The following DOK6 variants were observed in gnomAD, a reference collection of about 807,000 sequenced individuals.
DOK6 encodes the protein downstream of tyrosine kinase 6.
In DOK6, 22 loss-of-function variants were observed where a neutral mutation model predicts 44.0. The observed-to-expected ratio is 0.50, with a 90% CI of 0.36 to 0.71. The LOEUF is 0.71. Ranked by LOEUF, DOK6 falls within the 30% of genes least tolerant of loss-of-function variation. The pLI, the probability that DOK6 is intolerant of heterozygous loss-of-function variation, is 0.00. For missense variants in DOK6, 340 were observed against 416.4 expected (o/e 0.82, Z 1.60); for synonymous variants, 166 against 145.5 (o/e 1.14, Z -1.01).
At position 69,547,094 on chromosome 18, in the gene DOK6, G is replaced by A. The variant is rs554052233; in HGVS notation, c.67-17393G>A. Among the ~76,000 whole-genome samples the A allele has an allele frequency of 1.3e-3, 191 of 151,268 alleles. 5 individuals carry two copies. The highest frequency in any genetic ancestry group is 2.0e-3 in the Non-Finnish European group (138 of 67,558). ...TGGGTCAGGGAACGTACCCTTTTTT[G>A]TTGTTTGTTTGTTTGTTAGTTTTTT... On this transcript the variant is annotated intron_variant, in intron 1 of 7. Transcript: ENST00000382713.
chr18:69,691,253 G>C (rs891644297), intron 4 of DOK6, among the ~76,000 whole-genome samples: 6 of 151,890 alleles, frequency 4.0e-5, no homozygotes, highest in African/African-American at 1.5e-4. Flanking sequence ...GGACTTTCTT[G>C]TTGTCTCTGT....
At chr18:69,839,265 C>T (rs1299560739) in intron 7 of DOK6, among the ~76,000 whole-genome samples, 4 of 149,180 alleles carry the variant, frequency 2.7e-5, no homozygotes, top group African/African-American at 9.9e-5. Context: ...CTCTCCCTAA[C>T]CCCTCCCCTA....
At chr18:69,628,425 A>T (rs2144643735) in intron 3 of DOK6, among the ~76,000 whole-genome samples, 1 of 152,234 alleles carries the variant, frequency 6.6e-6, no homozygotes, top group South Asian at 2.1e-4. Flanking sequence ...GGGAGGCAGA[A>T]CTTGCAGTGA....
intron 6 of DOK6, among the ~76,000 whole-genome samples, chr18:69,746,884 G>T (rs2144744701): frequency 6.6e-6 from 1 of 152,272 alleles, no homozygotes; most frequent in East Asian, 1.9e-4. Context: ...CTGGTTTTGT[G>T]AAATTTACCC....
chr18:69,420,305 A>C lies in DOK6; in HGVS notation c.66+18995A>C, dbSNP rs557041872. ...TGTATATATTTGTCTTTAAAATTTA[A>C]TGCAAAATTTCAAATAGTATATACA... On this transcript the variant is annotated intron_variant, in intron 1 of 7. Coordinates refer to ENST00000382713, the MANE Select transcript of DOK6 (RefSeq NM_152721.6). 5.0e-4 allele frequency among the ~76,000 whole-genome samples: 76 copies of C among 152,124 alleles called. 3 individuals are homozygous for C. In the South Asian group the frequency reaches 0.016, roughly 31 times the overall value.
chr18:69,508,085 T>C (rs1981247267), intron 1 of DOK6, among the ~76,000 whole-genome samples: 1 of 152,202 alleles, frequency 6.6e-6, no homozygotes, highest in South Asian at 2.1e-4. Context: ...GAATGGATGT[T>C]GATTATTTTC....
intron 1 of DOK6, among the ~76,000 whole-genome samples, chr18:69,439,455 A>G (rs1979076945): frequency 6.6e-6 from 1 of 152,234 alleles, no homozygotes; most frequent in South Asian, 2.1e-4. Flanking sequence ...CCTGAATGGC[A>G]TCTTCTTCCA....
intron 1 of DOK6, among the ~76,000 whole-genome samples, chr18:69,421,363 T>C (rs561969120): frequency 2.0e-5 from 3 of 152,278 alleles, no homozygotes; most frequent in Non-Finnish European, 4.4e-5. Flanking sequence ...GTTCTGAATA[T>C]CACCAGAGTG....
chr18:69,503,603 A>G (rs1981104648), intron 1 of DOK6, among the ~76,000 whole-genome samples: 1 of 152,076 alleles, frequency 6.6e-6, no homozygotes, highest in South Asian at 2.1e-4. Flanking sequence ...TTACTAAACA[A>G]TGTCTTAAAA....
At chr18:69,731,412 G>T (rs927052987) in intron 5 of DOK6, among the ~76,000 whole-genome samples, 4 of 152,106 alleles carry the variant, frequency 2.6e-5, no homozygotes, top group Admixed American at 2.6e-4. Flanking sequence ...AGTGGGTAGT[G>T]CCCAAAAATA....
intron 7 of DOK6, among the ~76,000 whole-genome samples, chr18:69,762,288 C>T (rs1979585768): frequency 6.6e-6 from 1 of 152,132 alleles, no homozygotes; most frequent in Non-Finnish European, 1.5e-5. Flanking sequence ...CTGCAGTGAG[C>T]CATGATCACA....
intron 6 of DOK6, among the ~76,000 whole-genome samples, chr18:69,750,644 G>A (rs1260867499): frequency 1.3e-5 from 2 of 152,192 alleles, no homozygotes; most frequent in Non-Finnish European, 2.9e-5. Context: ...ATGCAAATTA[G>A]TACAACCATT....
intron 3 of DOK6, among the ~76,000 whole-genome samples, chr18:69,602,765 A>T (rs1366226262): frequency 6.6e-6 from 1 of 152,228 alleles, no homozygotes; most frequent in Non-Finnish European, 1.5e-5. Context: ...GTGAATAAAA[A>T]TATATCGATG....
chr18:69,485,881 A>G (rs78656193), intron 1 of DOK6, among the ~76,000 whole-genome samples: 57 of 147,220 alleles, frequency 3.9e-4, no homozygotes, highest in African/African-American at 8.2e-4. Flanking sequence ...ATACGTATAT[A>G]TGTGTGTGTG....
chr18:69,549,303 T>C (rs967824270), intron 1 of DOK6, among the ~76,000 whole-genome samples: 2 of 151,522 alleles, frequency 1.3e-5, no homozygotes, highest in African/African-American at 4.8e-5. Flanking sequence ...GTACTTCTTA[T>C]GGGAGCTGCC....
intron 7 of DOK6, among the ~76,000 whole-genome samples, chr18:69,795,091 G>A (rs192699478): frequency 6.6e-6 from 1 of 152,204 alleles, no homozygotes; most frequent in Non-Finnish European, 1.5e-5. Flanking sequence ...CCTGATCCAT[G>A]GAAAAATTGT....
chr18:69,520,814 G>T (rs1210561655), intron 1 of DOK6, among the ~76,000 whole-genome samples: 1 of 151,756 alleles, frequency 6.6e-6, no homozygotes, highest in Non-Finnish European at 1.5e-5. Context: ...AATAGGGTGG[G>T]GTTAGCCTGA....
At chr18:69,715,169 C>T (rs1599281207) in intron 5 of DOK6, among the ~76,000 whole-genome samples, 1 of 152,254 alleles carries the variant, frequency 6.6e-6, no homozygotes, top group East Asian at 1.9e-4. Context: ...TACTTCTCTC[C>T]TTTGGGGATT....
At chr18:69,772,216 A>G (rs142193432) in intron 7 of DOK6, among the ~76,000 whole-genome samples, 67 of 152,014 alleles carry the variant, frequency 4.4e-4, no homozygotes, top group Non-Finnish European at 7.7e-4. Flanking sequence ...AAAGTAAAAT[A>G]GATACAAATA....
Sources: allele counts gnomAD v4.1 joint callset (sites outside exome capture counted in the v4.1 genomes callset), GRCh38; gene constraint gnomAD v4.1.1; transcripts MANE v1.5; gene names NCBI Gene and HGNC (gene_info 2026-07-23, HGNC 2026-07-21).